The following LAMA2 variants were observed in gnomAD, a reference collection of about 807,000 sequenced individuals.
The protein encoded by LAMA2 is laminin subunit alpha 2.
LAMA2 carries 269 observed loss-of-function variants against 364.8 expected under a neutral mutation model. That is an observed-to-expected ratio of 0.74 (90% CI 0.67 to 0.82). LAMA2 has a LOEUF of 0.82. Among genes scored for constraint, LAMA2 ranks in the 40% least tolerant of loss-of-function variants. The probability of loss-of-function intolerance (pLI) is 0.00; values close to 1 mark genes in which losing one functional copy is unlikely to be tolerated. For synonymous variants in LAMA2, 1,379 were observed against 1,370.6 expected (o/e 1.01, Z -0.14); for missense variants, 3,807 against 3,873.2 (o/e 0.98, Z 0.45).
chr6:128,910,899 T>A (rs1298299521), intron 1 of LAMA2, among the ~76,000 whole-genome samples: 3 of 151,596 alleles, frequency 2.0e-5, no homozygotes, highest in Non-Finnish European at 4.4e-5. Context: ...CCCTGCCATG[T>A]GAGGTGTCAG....
intron 1 of LAMA2, among the ~76,000 whole-genome samples, chr6:128,917,706 T>TTCTTTCTTTC (rs1778418237): frequency 1.3e-4 from 13 of 98,388 alleles, no homozygotes; most frequent in Admixed American, 3.9e-4. Flanking sequence ...TTTCTTTTTT[T>TTCTTTCTTTC]TTTCTTTCTT....
At chr6:129,043,426 A>G (rs1787242732) in intron 1 of LAMA2, among the ~76,000 whole-genome samples, 1 of 152,160 alleles carries the variant, frequency 6.6e-6, no homozygotes, top group Non-Finnish European at 1.5e-5. Context: ...AATCACATGT[A>G]GTGGATTTTT....
At chr6:129,364,975 A>C (rs1777678892) in intron 32 of LAMA2, among the ~76,000 whole-genome samples, 1 of 152,168 alleles carries the variant, frequency 6.6e-6, no homozygotes, top group Non-Finnish European at 1.5e-5. Context: ...AGGTCTTATG[A>C]GAACTCTGTC....
chr6:129,317,059 G>A (rs917435702), intron 27 of LAMA2, among the ~76,000 whole-genome samples: 1 of 152,122 alleles, frequency 6.6e-6, no homozygotes, highest in African/African-American at 2.4e-5. Flanking sequence ...AATAAAGAGA[G>A]AATAACTAAT....
chr6:129,273,408 A>C (rs984145253), intron 17 of LAMA2, among the ~76,000 whole-genome samples: 4 of 152,186 alleles, frequency 2.6e-5, no homozygotes, highest in African/African-American at 9.6e-5. Flanking sequence ...TAGCACCACT[A>C]TCAATCCAGC....
At chr6:129,121,026 G>A (rs1776776403) in intron 4 of LAMA2, among the ~76,000 whole-genome samples, 1 of 152,130 alleles carries the variant, frequency 6.6e-6, no homozygotes, top group Admixed American at 6.6e-5. Context: ...AACATTATGT[G>A]AAGCTAAATT....
chr6:129,077,093 A>T (rs919814655), intron 3 of LAMA2, among the ~76,000 whole-genome samples: 1 of 152,156 alleles, frequency 6.6e-6, no homozygotes, highest in African/African-American at 2.4e-5. Context: ...TACTATTTCC[A>T]TACTAAAAGC....
In LAMA2 at chr6:129,473,040, G is replaced by A. The variant is rs56978194; in HGVS notation, c.7301-174G>A. ...GCTCTTTGGGGGATAGTTTAATAATGTATTTTATTGATGTTATTTCTGTAA... is the reference window on the plus strand; with the variant it reads ...GCTCTTTGGGGGATAGTTTAATAATATATTTTATTGATGTTATTTCTGTAA... On this transcript the variant is annotated intron_variant, in intron 51 of 64. Transcript: ENST00000421865. 0.016 allele frequency among the ~76,000 whole-genome samples: 2,439 copies of A among 151,930 alleles called. 72 individuals carry two copies. Among genetic ancestry groups the A allele is most frequent in the African/African-American group, 0.056 (2,321 of 41,488 alleles).
chr6:129,004,483 C>G (rs552881302), intron 1 of LAMA2, among the ~76,000 whole-genome samples: 5 of 148,534 alleles, frequency 3.4e-5, no homozygotes, highest in Non-Finnish European at 6.0e-5. Context: ...TATATCACTA[C>G]TTACTGACTT....
intron 1 of LAMA2, among the ~76,000 whole-genome samples, chr6:129,037,116 C>A (rs1257821163): frequency 1.3e-5 from 2 of 152,140 alleles, no homozygotes; most frequent in Non-Finnish European, 2.9e-5. Context: ...TCTCTTTTGT[C>A]TTTTAAATAT....
intron 1 of LAMA2, among the ~76,000 whole-genome samples, chr6:128,885,804 G>A (rs1229066964): frequency 6.6e-6 from 1 of 151,972 alleles, no homozygotes; most frequent in Non-Finnish European, 1.5e-5. Context: ...ATCTTATGTG[G>A]TTTCTATAGC....
intron 35 of LAMA2, among the ~76,000 whole-genome samples, chr6:129,389,915 G>T (rs891209775): frequency 2.6e-5 from 4 of 152,046 alleles, no homozygotes; most frequent in African/African-American, 9.7e-5. Flanking sequence ...GGTGGTCGGT[G>T]GGGGGACACA....
intron 22 of LAMA2, among the ~76,000 whole-genome samples, chr6:129,305,920 T>G (rs964627002): frequency 4.6e-5 from 7 of 152,106 alleles, no homozygotes; most frequent in African/African-American, 1.7e-4. Context: ...TTTTATTTCT[T>G]TGGTTTTGTC....
intron 56 of LAMA2, among the ~76,000 whole-genome samples, chr6:129,488,276 C>T (rs1344118837): frequency 6.6e-6 from 1 of 152,194 alleles, no homozygotes; most frequent in Non-Finnish European, 1.5e-5. Context: ...CACCACTGCA[C>T]TCCAGCCTGG....
At chr6:129,347,864 A>G (rs540378656) in intron 30 of LAMA2, among the ~76,000 whole-genome samples, 9 of 152,376 alleles carry the variant, frequency 5.9e-5, no homozygotes, top group Non-Finnish European at 5.9e-5. Flanking sequence ...AATTGTATCA[A>G]CTATTCAAGA....
intron 55 of LAMA2, among the ~76,000 whole-genome samples, chr6:129,483,066 C>T (rs908447952): frequency 1.3e-4 from 7 of 55,614 alleles, no homozygotes; most frequent in Non-Finnish European, 1.8e-4. Flanking sequence ...GACTCCGACT[C>T]GAAAAAAAAA....
chr6:129,238,699 A>G (rs1159081989), intron 12 of LAMA2, among the ~76,000 whole-genome samples: 1 of 152,278 alleles, frequency 6.6e-6, no homozygotes, highest in East Asian at 1.9e-4. Context: ...AACAGTGTGA[A>G]CTTGAACAAT....
intron 4 of LAMA2, among the ~76,000 whole-genome samples, chr6:129,110,502 G>C (rs1326321177): frequency 6.6e-6 from 1 of 152,018 alleles, no homozygotes; most frequent in Non-Finnish European, 1.5e-5. Flanking sequence ...AGGATTAATG[G>C]ATTAACTATT....
chr6:129,249,949 C>T (rs183710987), intron 12 of LAMA2, among the ~76,000 whole-genome samples, 163 bp from the exon 13 acceptor site: 3 of 152,260 alleles, frequency 2.0e-5, no homozygotes, highest in Admixed American at 2.0e-4. Context: ...TAAAAGGTTA[C>T]TCCTAAATAA....
Sources: allele counts gnomAD v4.1 joint callset (sites outside exome capture counted in the v4.1 genomes callset), GRCh38; gene constraint gnomAD v4.1.1; transcripts MANE v1.5; gene names NCBI Gene and HGNC (gene_info 2026-07-23, HGNC 2026-07-21).